Variants in HEATR5B observed in about 807,000 individuals in gnomAD.
HEATR5B encodes the protein HEAT repeat-containing protein 5B.
Under a neutral mutation model 224.1 loss-of-function variants are expected in HEATR5B, and 156 were observed. The observed-to-expected ratio is 0.70, with a 90% CI of 0.61 to 0.80. The LOEUF (loss-of-function observed/expected upper bound fraction) is 0.80, where lower values mean the gene tolerates loss of function less well. HEATR5B is among the 30% of genes least tolerant of loss of function. The pLI, the probability that HEATR5B is intolerant of heterozygous loss-of-function variation, is 0.00. For missense variants in HEATR5B, 2,323 were observed against 2,535.5 expected (o/e 0.92, Z 1.80); for synonymous variants, 1,027 against 893.0 (o/e 1.15, Z -2.68).
intron 33 of HEATR5B, among the ~76,000 whole-genome samples, chr2:36,993,508 A>G (rs1232052472): frequency 1.3e-4 from 19 of 151,012 alleles, no homozygotes; most frequent in African/African-American, 4.6e-4. Context: ...GCGCCATTGC[A>G]CTCCAGCCTG....
At chr2:37,048,851 C>T (rs1199609260) in intron 18 of HEATR5B, among the ~76,000 whole-genome samples, 1 of 152,164 alleles carries the variant, frequency 6.6e-6, no homozygotes, top group Non-Finnish European at 1.5e-5. Context: ...AAGCTATTTA[C>T]AGATAGGCAA....
At position 36,994,312 on chromosome 2, in the gene HEATR5B, G is replaced by A. The variant is rs193157798; in HGVS notation, c.5546-3513C>T. Among the ~76,000 whole-genome samples the A allele has an allele frequency of 2.2e-3, 341 of 152,220 alleles. 2 individuals are homozygous for A. Among genetic ancestry groups the A allele is most frequent in the African/African-American group, 7.7e-3 (321 of 41,562 alleles). ...TTTCAAAGTCAAAGGATCTAAAAAC[G>A]AAAAACAATGTTGAAGCAATTAAGA... On this transcript the variant is annotated intron_variant, in intron 33 of 35. Coordinates refer to ENST00000233099, the MANE Select transcript of HEATR5B (RefSeq NM_019024.3).
intron 26 of HEATR5B, among the ~76,000 whole-genome samples, chr2:37,019,460 CTTT>C (rs754220468): frequency 2.8e-5 from 4 of 143,448 alleles, no homozygotes; most frequent in Non-Finnish European, 3.1e-5. Context: ...TCCTCTCTCT[CTTT>C]TTTTTTTTTT....
At position 37,028,723 on chromosome 2, in the gene HEATR5B, G is replaced by A. The variant is rs1187216693; in HGVS notation, c.3559C>T (p.His1187Tyr). ...ACATCTTTACAAAGCATTAGCCAAT[G>A]AGAAAGTTTTTCTACTGCCAGCGAA... Reference protein sequence around the residue: ...LSSLAVEKLSHWLMLCKDVLA... With the variant: ...LSSLAVEKLSYWLMLCKDVLA... The change falls in exon 23 of 36, where the codon CAT (histidine) becomes TAT (tyrosine). Residue 1187 changes from histidine to tyrosine, a missense_variant. This residue lies in a region of HEATR5B where 339 missense variants were observed against 378.4 expected (regional missense o/e 0.90). Transcript: ENST00000233099. 5 of 1,613,904 alleles carry A rather than the reference G, an allele frequency of 3.1e-6. No individual in the cohort carries two copies. Among genetic ancestry groups the A allele is most frequent in the East Asian group, 2.2e-5 (1 of 44,870 alleles).
intron 26 of HEATR5B, 117 bp from the exon 27 acceptor site, chr2:37,014,137 T>C (rs1308525941): frequency 7.6e-6 from 4 of 524,000 alleles, no homozygotes; most frequent in South Asian, 6.7e-5. Context: ...CAAAACAAAA[T>C]AAACTACCCA....
At chr2:37,076,465 G>C (rs1672237587) in intron 4 of HEATR5B, among the ~76,000 whole-genome samples, 1 of 152,076 alleles carries the variant, frequency 6.6e-6, no homozygotes, top group Non-Finnish European at 1.5e-5. Context: ...CCACTAGAAG[G>C]TAAGAAGGAA....
chr2:37,015,806 T>C (rs1214858620), intron 26 of HEATR5B, among the ~76,000 whole-genome samples: 2 of 152,170 alleles, frequency 1.3e-5, no homozygotes, highest in Admixed American at 1.3e-4. Flanking sequence ...CAGGAGCAAG[T>C]TCAAGGGTAA....
At chr2:37,037,145 G>GAGATATATATATAT in intron 21 of HEATR5B, among the ~76,000 whole-genome samples, 1 of 89,140 alleles carries the variant, frequency 1.1e-5, no homozygotes. Context: ...CTAAAAATGT[G>GAGATATATATATAT]ATATATATAT....
chr2:37,009,256 C>CAA (rs57022846), intron 27 of HEATR5B, among the ~76,000 whole-genome samples: 100 of 65,344 alleles, frequency 1.5e-3, no homozygotes, highest in Middle Eastern at 9.1e-3. Flanking sequence ...GACTCTGTCT[C>CAA]AAAAAAAAAA....
intron 24 of HEATR5B, among the ~76,000 whole-genome samples, chr2:37,021,059 AATG>A (rs148448353): frequency 0.022 from 3,414 of 152,368 alleles, 58 homozygotes; most frequent in South Asian, 0.037. Context: ...TAGGACTTAC[AATG>A]ATATGTTATG....
intron 33 of HEATR5B, among the ~76,000 whole-genome samples, chr2:36,999,507 G>A (rs980744403): frequency 1.1e-4 from 16 of 151,636 alleles, no homozygotes; most frequent in Non-Finnish European, 1.8e-4. Context: ...GTGAAACCCC[G>A]TCTCTACCAA....
At chr2:37,034,951 A>G (rs1341878242) in intron 21 of HEATR5B, among the ~76,000 whole-genome samples, 1 of 152,368 alleles carries the variant, frequency 6.6e-6, no homozygotes. Flanking sequence ...AAGCATGGTC[A>G]TATCACATGG....
intron 23 of HEATR5B, 116 bp from the exon 24 acceptor site, chr2:37,028,290 G>A (rs1007290772): frequency 1.8e-5 from 11 of 614,580 alleles, no homozygotes; most frequent in African/African-American, 1.7e-4. Context: ...CTTACTTGCT[G>A]GAAAACAGTA....
At chr2:37,022,548 G>A (rs552157295) in intron 24 of HEATR5B, among the ~76,000 whole-genome samples, 20 of 152,250 alleles carry the variant, frequency 1.3e-4, no homozygotes, top group Admixed American at 1.2e-3. Context: ...CAGACAATAC[G>A]TAGAGAAATG....
At chr2:37,037,190 G>C (rs1248982805) in intron 21 of HEATR5B, among the ~76,000 whole-genome samples, 9 of 112,730 alleles carry the variant, frequency 8.0e-5, no homozygotes, top group Non-Finnish European at 1.4e-4. Flanking sequence ...CTGTCGCCCA[G>C]GCTGGAATGC....
chr2:36,991,838 A>T (rs1666352261), intron 33 of HEATR5B, among the ~76,000 whole-genome samples: 1 of 152,158 alleles, frequency 6.6e-6, no homozygotes. Flanking sequence ...ACATTATCTC[A>T]TAATAAGGGT....
At chr2:37,077,366 T>C (rs1299452913) in intron 3 of HEATR5B, among the ~76,000 whole-genome samples, 1 of 152,008 alleles carries the variant, frequency 6.6e-6, no homozygotes, top group Admixed American at 6.6e-5. Context: ...TGGAGTGCAG[T>C]GGTGTGGTCC....
At chr2:37,078,651 T>C (rs1672374161) in intron 3 of HEATR5B, among the ~76,000 whole-genome samples, 1 of 152,200 alleles carries the variant, frequency 6.6e-6, no homozygotes, top group Non-Finnish European at 1.5e-5. Flanking sequence ...ACCAGGTAAC[T>C]ACCTAAAAGT....
chr2:37,066,798 C>G (rs776874866), intron 8 of HEATR5B, among the ~76,000 whole-genome samples: 1 of 151,950 alleles, frequency 6.6e-6, no homozygotes, highest in Non-Finnish European at 1.5e-5. Flanking sequence ...TTTTTGCATT[C>G]ATTATTAATT....
Sources: gnomAD v4.1 joint callset for allele counts (sites outside exome capture counted in the v4.1 genomes callset) on GRCh38, gnomAD v4.1.1 for gene constraint, gnomAD v4.1.1 regional missense constraint, MANE v1.5 for transcripts, NCBI Gene and HGNC (gene_info 2026-07-23, HGNC 2026-07-21) for gene names.